KLF12: variants seen among roughly 807,000 people sequenced by gnomAD.
KLF12 encodes the protein KLF transcription factor 12.
Under a neutral mutation model 37.8 loss-of-function variants are expected in KLF12, and 9 were observed. That is an observed-to-expected ratio of 0.24 (90% CI 0.14 to 0.42). KLF12 has a LOEUF of 0.42. Ranked by LOEUF, KLF12 falls within the 10% of genes least tolerant of loss-of-function variation. The pLI is 1.00. For missense variants in KLF12, 411 were observed against 516.0 expected (o/e 0.80, Z 1.97); for synonymous variants, 208 against 202.1 (o/e 1.03, Z -0.25).
At chr13:73,746,849 C>CT (rs1230757616) in intron 6 of KLF12, among the ~76,000 whole-genome samples, 49 of 126,216 alleles carry the variant, frequency 3.9e-4, no homozygotes, top group Middle Eastern at 5.4e-3. Flanking sequence ...GTCTCTTGCT[C>CT]TGTCGCCCAG....
the KLF12 span, among the ~76,000 whole-genome samples, chr13:74,248,014 A>G: frequency 1.2e-4 from 18 of 152,196 alleles, no homozygotes; most frequent in Non-Finnish European, 2.2e-4. Context: ...TAATGCTATT[A>G]TGAACTTAAC....
intron 5 of KLF12, among the ~76,000 whole-genome samples, chr13:73,802,451 TTTA>T (rs1218401816): frequency 1.3e-5 from 2 of 152,148 alleles, no homozygotes; most frequent in African/African-American, 4.8e-5. Flanking sequence ...AGTTTTAATT[TTTA>T]TTATCTTATT....
At chr13:74,115,278 T>G (rs115431732) in intron 1 of KLF12, among the ~76,000 whole-genome samples, 1 of 152,174 alleles carries the variant, frequency 6.6e-6, no homozygotes, top group African/African-American at 2.4e-5. Context: ...ACATTGCCCA[T>G]AGTGAGCTGA....
intron 5 of KLF12, among the ~76,000 whole-genome samples, chr13:73,797,481 T>C (rs572723904): frequency 1.1e-4 from 17 of 152,208 alleles, no homozygotes; most frequent in South Asian, 2.1e-4. Context: ...TCTTAACATG[T>C]AGGGGAGGCC....
At chr13:73,825,436 C>T (rs183108083) in intron 4 of KLF12, among the ~76,000 whole-genome samples, 36 of 152,316 alleles carry the variant, frequency 2.4e-4, no homozygotes, top group African/African-American at 8.4e-4. Flanking sequence ...ATAGTATACA[C>T]TATAACACCA....
At chr13:74,093,072 G>C (rs76280851) in intron 1 of KLF12, among the ~76,000 whole-genome samples, 5 of 152,334 alleles carry the variant, frequency 3.3e-5, no homozygotes, top group African/African-American at 1.2e-4. Context: ...TGATGGCACT[G>C]TTGAGAAGTT....
chr13:73,797,416 T>C (rs968177579), intron 5 of KLF12, among the ~76,000 whole-genome samples: 1 of 152,224 alleles, frequency 6.6e-6, no homozygotes, highest in African/African-American at 2.4e-5. Flanking sequence ...CAATTCTTCC[T>C]TTAAATACAA....
At chr13:73,806,684 G>A (rs184308342) in intron 5 of KLF12, among the ~76,000 whole-genome samples, 1 of 150,812 alleles carries the variant, frequency 6.6e-6, no homozygotes, top group East Asian at 1.9e-4. Flanking sequence ...GAAAACTTCT[G>A]AGACCTCTGG....
chr13:73,704,204 T>C (rs969289431), intron 7 of KLF12, among the ~76,000 whole-genome samples: 1 of 152,110 alleles, frequency 6.6e-6, no homozygotes, highest in East Asian at 1.9e-4. Context: ...CACTACAACC[T>C]ATAAGGGAAA....
chr13:73,697,030 T>C (rs1800178599), intron 7 of KLF12, among the ~76,000 whole-genome samples: 3 of 152,092 alleles, frequency 2.0e-5, no homozygotes, highest in Admixed American at 6.6e-5. Flanking sequence ...ACTATTTCAG[T>C]GTCACTGGAG....
chr13:74,042,465 C>A (rs1258824199), intron 1 of KLF12, among the ~76,000 whole-genome samples: 2 of 152,048 alleles, frequency 1.3e-5, no homozygotes, highest in African/African-American at 4.8e-5. Context: ...ATGTTTTTAC[C>A]GTAACAAAGA....
chr13:73,948,525 T>C (rs939322611), intron 2 of KLF12, among the ~76,000 whole-genome samples: 4 of 152,212 alleles, frequency 2.6e-5, no homozygotes, highest in Admixed American at 6.5e-5. Flanking sequence ...GCATAGCAGA[T>C]TCTTAAAGGT....
the KLF12 span, among the ~76,000 whole-genome samples, chr13:74,275,886 T>TTTC: frequency 4.9e-3 from 491 of 99,450 alleles, 4 homozygotes; most frequent in Middle Eastern, 0.02. Flanking sequence ...TTCTTCTTTC[T>TTTC]TTCTTTCTTT....
intron 7 of KLF12, among the ~76,000 whole-genome samples, chr13:73,705,964 C>T (rs1320341615): frequency 2.0e-5 from 3 of 152,066 alleles, no homozygotes; most frequent in African/African-American, 7.2e-5. Context: ...CCATCCTGTC[C>T]AACATGGTGA....
chr13:74,252,000 T>C, the KLF12 span, among the ~76,000 whole-genome samples: 2 of 152,098 alleles, frequency 1.3e-5, no homozygotes, highest in African/African-American at 4.8e-5. Flanking sequence ...AGGTAATCAT[T>C]AGGGGATGTT....
chr13:73,749,101 G>A (rs1028821246), intron 6 of KLF12, among the ~76,000 whole-genome samples: 7 of 151,952 alleles, frequency 4.6e-5, no homozygotes, highest in South Asian at 4.2e-4. Context: ...CTAAGACCAC[G>A]GGCCCTCAGC....
At chr13:73,838,996 C>A (rs1280394339) in intron 4 of KLF12, among the ~76,000 whole-genome samples, 4 of 152,048 alleles carry the variant, frequency 2.6e-5, no homozygotes, top group African/African-American at 9.7e-5. Flanking sequence ...TCCCAGGCAT[C>A]AAGGTTACCA....
At chr13:74,297,693 T>C in the KLF12 span, among the ~76,000 whole-genome samples, 1 of 152,180 alleles carries the variant, frequency 6.6e-6, no homozygotes, top group South Asian at 2.1e-4. Context: ...GAGGCAAAGA[T>C]AAATAAAACA....
chr13:73,894,836 C>T (rs1458668635), intron 3 of KLF12, among the ~76,000 whole-genome samples: 1 of 152,024 alleles, frequency 6.6e-6, no homozygotes, highest in Non-Finnish European at 1.5e-5. Context: ...TAAATAAGTT[C>T]TATTTTTTAG....
Sources: gnomAD v4.1 joint callset for allele counts (sites outside exome capture counted in the v4.1 genomes callset) on GRCh38, gnomAD v4.1.1 for gene constraint, MANE v1.5 for transcripts, NCBI Gene and HGNC (gene_info 2026-07-23, HGNC 2026-07-21) for gene names.